CLEC2A: variants seen among roughly 807,000 people sequenced by gnomAD.
CLEC2A encodes keratinocyte-associated C-type lectin.
A neutral mutation model predicts 18.6 loss-of-function variants in CLEC2A; 19 were observed. That is an observed-to-expected ratio of 1.02 (90% CI 0.71 to 1.50). The LOEUF is 1.50. Among genes scored for constraint, CLEC2A ranks in the 40% most tolerant of loss-of-function variants. CLEC2A has a pLI of 0.00. For synonymous variants in CLEC2A, 74 were observed against 64.0 expected, an observed-to-expected ratio of 1.16 and a Z score of -0.75; for missense variants, 190 against 207.9, an observed-to-expected ratio of 0.91 and a Z score of 0.53.
At chr12:9,893,453 C>A in the CLEC2A span, 996,455 of 1,485,286 alleles carry the variant, frequency 0.67, 340,214 homozygotes, top group Middle Eastern at 0.7. Context: ...CAGTTTAAAA[C>A]CTGGACATTT....
chr12:9,878,994 C>T, the CLEC2A span, among the ~76,000 whole-genome samples: 4 of 151,918 alleles, frequency 2.6e-5, no homozygotes, highest in African/African-American at 7.3e-5. Context: ...GATGCTACAG[C>T]GGAATCAGGC....
chr12:9,925,976 G>A (rs557712536), intron 2 of CLEC2A, among the ~76,000 whole-genome samples: 4 of 152,260 alleles, frequency 2.6e-5, no homozygotes, highest in East Asian at 3.9e-4. Context: ...CAGTAACATC[G>A]CTATTGCTGT....
At chr12:9,910,908 A>T (rs539628864), downstream of CLEC2A, among the ~76,000 whole-genome samples, 1 of 152,136 alleles carries the variant, frequency 6.6e-6, no homozygotes, top group African/African-American at 2.4e-5. Context: ...ATGAGCCCCT[A>T]TGATTGTTAG....
chr12:9,888,248 T>C, the CLEC2A span, among the ~76,000 whole-genome samples: 9 of 151,900 alleles, frequency 5.9e-5, no homozygotes, highest in African/African-American at 2.2e-4. Context: ...CTCAGCACTT[T>C]CGGAAGCCGA....
the CLEC2A span, among the ~76,000 whole-genome samples, chr12:9,883,871 C>T: frequency 6.6e-6 from 1 of 152,062 alleles, no homozygotes; most frequent in Non-Finnish European, 1.5e-5. Context: ...ATTTGAGAAA[C>T]AGCACTTTTA....
chr12:9,913,499 C>A lies in CLEC2A; in HGVS notation c.*67G>T. On this transcript the variant is annotated 3_prime_UTR_variant, in exon 5 of 5. Coordinates refer to ENST00000455827, the MANE Select transcript of CLEC2A (RefSeq NM_001130711.2). ...TCTGTAACAGAATAAGTGAGAAAGC[C>A]ACTTTTGCATAATTAGCTCTTCTTT... The A allele has an allele frequency of 6.7e-7, 1 of 1,496,974 alleles. No individual in the cohort carries two copies. The highest frequency in any genetic ancestry group is 8.9e-7 in the Non-Finnish European group (1 of 1,129,354). The allele number at this position is 1,496,974 out of a possible 1,614,324, so 92.7% of individuals were successfully genotyped here. A position where few individuals can be genotyped will look rare whatever the true frequency, so the allele number is the denominator to read the frequency against.
the CLEC2A span, chr12:9,893,347 G>T: frequency 2.9e-5 from 24 of 816,436 alleles, no homozygotes; most frequent in Admixed American, 5.7e-5. Context: ...TTTTATTAAT[G>T]CCGGCACAGA....
intron 4 of CLEC2A, among the ~76,000 whole-genome samples, chr12:9,914,959 T>C (rs1414128680): frequency 2.0e-5 from 3 of 151,974 alleles, no homozygotes; most frequent in Non-Finnish European, 4.4e-5. Flanking sequence ...AATCTACCCA[T>C]CTGTCAAAGG....
intron 2 of CLEC2A, among the ~76,000 whole-genome samples, chr12:9,925,623 T>C (rs1354844693): frequency 2.0e-5 from 3 of 151,554 alleles, no homozygotes; most frequent in African/African-American, 7.3e-5. Context: ...GAAAATTATC[T>C]GTAACAAGCC....
chr12:9,878,636 T>C, the CLEC2A span, among the ~76,000 whole-genome samples: 1 of 152,202 alleles, frequency 6.6e-6, no homozygotes, highest in African/African-American at 2.4e-5. Flanking sequence ...CCAAATCTGT[T>C]AGACCCATAC....
the CLEC2A span, chr12:9,893,601 C>T: frequency 3.1e-4 from 177 of 576,460 alleles, no homozygotes; most frequent in African/African-American, 3.2e-3. Flanking sequence ...TTATATTAAA[C>T]TTCTTCACTT....
chr12:9,908,681 G>A (rs145769273), downstream of CLEC2A, among the ~76,000 whole-genome samples: 3 of 152,116 alleles, frequency 2.0e-5, no homozygotes, highest in South Asian at 2.1e-4. Flanking sequence ...TTTTTCCCAT[G>A]CGGGACATTC....
At chr12:9,880,485 T>C in the CLEC2A span, among the ~76,000 whole-genome samples, 52 of 152,094 alleles carry the variant, frequency 3.4e-4, no homozygotes, top group African/African-American at 1.2e-3. Flanking sequence ...TGGATTGATA[T>C]TGAGTGGCCA....
chr12:9,893,349 C>T, the CLEC2A span: 24 of 808,300 alleles, frequency 3.0e-5, no homozygotes, highest in East Asian at 1.4e-4. Context: ...TTATTAATGC[C>T]GGCACAGAGA....
At chr12:9,906,020 G>GTTTT (rs367651590) in intron 4 of CLEC2A, among the ~76,000 whole-genome samples, 969 of 83,052 alleles carry the variant, frequency 0.012, 10 homozygotes, top group East Asian at 0.036. Flanking sequence ...CCACTTATTA[G>GTTTT]TTTTGTTTTT....
chr12:9,910,475 CTG>C (rs1199249138), downstream of CLEC2A, among the ~76,000 whole-genome samples: 1 of 152,074 alleles, frequency 6.6e-6, no homozygotes, highest in African/African-American at 2.4e-5. Flanking sequence ...CTTCTAGAAG[CTG>C]TGTGTGAGTC....
chr12:9,920,451 A>G (rs932066059), intron 3 of CLEC2A, among the ~76,000 whole-genome samples: 3 of 152,184 alleles, frequency 2.0e-5, no homozygotes, highest in African/African-American at 7.2e-5. Context: ...TGGGAGCAGC[A>G]TGGGTTCCAG....
chr12:9,920,174 G>T (rs1863144278), intron 3 of CLEC2A, among the ~76,000 whole-genome samples: 1 of 152,182 alleles, frequency 6.6e-6, no homozygotes, highest in Non-Finnish European at 1.5e-5. Context: ...CCATGGAAGT[G>T]GGTCCTGCAG....
At chr12:9,894,205 A>G (rs1394329485), downstream of CLEC2A, among the ~76,000 whole-genome samples, 1 of 131,516 alleles carries the variant, frequency 7.6e-6, no homozygotes, top group Non-Finnish European at 1.5e-5. Context: ...TTTTTTCAGC[A>G]GAGCCTTGCT....
Sources: allele counts gnomAD v4.1 joint callset (sites outside exome capture counted in the v4.1 genomes callset), GRCh38; gene constraint gnomAD v4.1.1; transcripts MANE v1.5; gene names NCBI Gene and HGNC (gene_info 2026-07-23, HGNC 2026-07-21).